The following SND1 variants were observed in gnomAD, a reference collection of about 807,000 sequenced individuals.
SND1 encodes the protein staphylococcal nuclease and tudor domain containing 1, also known as staphylococcal nuclease domain-containing protein 1.
In SND1, 38 loss-of-function variants were observed where a neutral mutation model predicts 121.7. That is an observed-to-expected ratio of 0.31 (90% CI 0.24 to 0.41). The LOEUF is 0.41. Ranked by LOEUF, SND1 falls within the 10% of genes least tolerant of loss-of-function variation. The pLI is 1.00. For synonymous variants in SND1, 401 were observed against 447.4 expected (o/e 0.90, Z 1.31); for missense variants, 868 against 1,184.6 (o/e 0.73, Z 3.92).
intron 14 of SND1, among the ~76,000 whole-genome samples, chr7:127,924,340 T>C (rs1040744561): frequency 6.6e-6 from 1 of 152,238 alleles, no homozygotes; most frequent in African/African-American, 2.4e-5. Flanking sequence ...ATTCGTGATC[T>C]TCATTATTAA....
intron 16 of SND1, among the ~76,000 whole-genome samples, chr7:128,063,081 C>T (rs1398262225): frequency 1.3e-5 from 2 of 152,204 alleles, no homozygotes; most frequent in Admixed American, 6.5e-5. Flanking sequence ...TCTGTGGCCT[C>T]ACCCCACCTC....
At chr7:128,076,226 G>T (rs1293726007) in intron 17 of SND1, among the ~76,000 whole-genome samples, 2 of 152,170 alleles carry the variant, frequency 1.3e-5, no homozygotes, top group African/African-American at 4.8e-5. Context: ...TCCCTGCCAG[G>T]GGCTGTGCTG....
intron 14 of SND1, among the ~76,000 whole-genome samples, chr7:127,909,417 G>A (rs1800409670): frequency 6.6e-6 from 1 of 150,788 alleles, no homozygotes; most frequent in Non-Finnish European, 1.5e-5. Flanking sequence ...CTTTCTCCGT[G>A]ACTGATTTTG....
intron 2 of SND1, among the ~76,000 whole-genome samples, chr7:127,687,638 A>T (rs1042784501): frequency 6.6e-6 from 1 of 152,136 alleles, no homozygotes; most frequent in Non-Finnish European, 1.5e-5. Context: ...TGTTGCTGCA[A>T]AGGACGTGAT....
At position 128,069,947 on chromosome 7, in the gene SND1, G is replaced by A. The variant is rs138305440; in HGVS notation, c.1780-4555G>A. Among the ~76,000 whole-genome samples, 462 of 152,308 alleles carry A rather than the reference G, an allele frequency of 3.0e-3. 5 individuals carry two copies. The highest frequency in any genetic ancestry group is 0.011 in the African/African-American group (444 of 41,556). On this transcript the variant is annotated intron_variant, in intron 16 of 23. Transcript: ENST00000354725. The stretch of plus-strand genomic sequence containing the variant: ...TCATGGTAGGCCAGGGATCAGGGAA[G>A]CCTTCCCGGAGAAAGTGGCATTGAA...
At chr7:127,844,031 C>T (rs1799012411) in intron 11 of SND1, among the ~76,000 whole-genome samples, 1 of 152,122 alleles carries the variant, frequency 6.6e-6, no homozygotes, top group Non-Finnish European at 1.5e-5. Flanking sequence ...TGTATGTATT[C>T]TTTAGTAAGC....
chr7:127,919,866 T>A (rs1229710113), intron 14 of SND1, among the ~76,000 whole-genome samples: 2 of 152,210 alleles, frequency 1.3e-5, no homozygotes, highest in Non-Finnish European at 2.9e-5. Flanking sequence ...ATAAATTGGA[T>A]GTTTACGATT....
At chr7:127,746,365 C>T (rs996435115) in intron 10 of SND1, among the ~76,000 whole-genome samples, 4 of 152,102 alleles carry the variant, frequency 2.6e-5, no homozygotes, top group Non-Finnish European at 4.4e-5. Context: ...CTTTCTTGCC[C>T]GCTACACCAG....
intron 16 of SND1, among the ~76,000 whole-genome samples, chr7:128,058,907 G>A (rs1424044104): frequency 6.6e-6 from 1 of 151,996 alleles, no homozygotes; most frequent in African/African-American, 2.4e-5. Flanking sequence ...GGTGGGCTCT[G>A]ACTGTTCCCC....
At chr7:127,652,595 C>A in intron 1 of SND1, 144 bp downstream of exon 1, 4 of 698,986 alleles carry the variant, frequency 5.7e-6, no homozygotes, top group Non-Finnish European at 4.7e-6. Flanking sequence ...TCTCCGAATC[C>A]TCTCACTAGA....
intron 17 of SND1, among the ~76,000 whole-genome samples, chr7:128,077,636 C>A (rs946320927): frequency 2.6e-4 from 39 of 152,238 alleles, no homozygotes; most frequent in African/African-American, 9.4e-4. Flanking sequence ...ACACTTCCCC[C>A]ACCTGACCGC....
Position 127,694,933 on chromosome 7 carries a change from A to G in SND1, c.334A>G (p.Ile112Val). The G allele has an allele frequency of 6.2e-7, 1 of 1,613,352 alleles. No individual in the cohort carries two copies. The highest frequency in any genetic ancestry group is 8.5e-7 in the Non-Finnish European group (1 of 1,179,508). Reference sequence around the variant, plus strand: ...TCCCCAGGGGCGAGAGTATGGCATGATCTACCTTGGAAAAGGTGAGCTGCA... The same window carrying G: ...TCCCCAGGGGCGAGAGTATGGCATGGTCTACCTTGGAAAAGGTGAGCTGCA... ...KTPQGREYGM[I>V]YLGKDTNGEN... Residue 112 changes from isoleucine (I) to valine (V), a missense_variant, in exon 3 of 24, where the codon ATC (isoleucine) becomes GTC (valine). Coordinates refer to ENST00000354725, the MANE Select transcript of SND1 (RefSeq NM_014390.4).
At chr7:127,947,819 C>T (rs1212106415) in intron 15 of SND1, among the ~76,000 whole-genome samples, 1 of 152,044 alleles carries the variant, frequency 6.6e-6, no homozygotes, top group African/African-American at 2.4e-5. Flanking sequence ...TCTCTTTTGC[C>T]CTCACTCAGC....
intron 1 of SND1, among the ~76,000 whole-genome samples, chr7:127,679,492 A>G: frequency 6.6e-6 from 1 of 152,168 alleles, no homozygotes; most frequent in Middle Eastern, 3.2e-3. Flanking sequence ...AAAGTATATA[A>G]TTCAGTGGCT....
chr7:128,084,003 CCCT>C (rs960969062), intron 18 of SND1, among the ~76,000 whole-genome samples: 1 of 152,172 alleles, frequency 6.6e-6, no homozygotes, highest in Non-Finnish European at 1.5e-5. Context: ...GGCAGGGAAT[CCCT>C]CCTCCTGTGG....
intron 1 of SND1, among the ~76,000 whole-genome samples, chr7:127,655,542 G>A (rs1795195270): frequency 6.6e-6 from 1 of 152,180 alleles, no homozygotes; most frequent in Admixed American, 6.5e-5. Flanking sequence ...TTTCTGAGTT[G>A]GGATGAGACT....
chr7:128,011,510 T>C (rs759028452), intron 16 of SND1, among the ~76,000 whole-genome samples: 1 of 152,202 alleles, frequency 6.6e-6, no homozygotes, highest in Non-Finnish European at 1.5e-5. Flanking sequence ...TTGTGTAACA[T>C]GTGATCAGGG....
chr7:127,851,925 G>A (rs997549608), intron 12 of SND1, among the ~76,000 whole-genome samples: 2 of 152,178 alleles, frequency 1.3e-5, no homozygotes, highest in African/African-American at 4.8e-5. Context: ...AGGAGGTGGA[G>A]GTGGGTGGAT....
At chr7:127,736,712 G>T (rs1204973026) in intron 10 of SND1, among the ~76,000 whole-genome samples, 1 of 152,154 alleles carries the variant, frequency 6.6e-6, no homozygotes, top group African/African-American at 2.4e-5. Context: ...TTATTTAGAA[G>T]CAGGCTGTGA....
Sources: allele counts gnomAD v4.1 joint callset (sites outside exome capture counted in the v4.1 genomes callset), GRCh38; gene constraint gnomAD v4.1.1; transcripts MANE v1.5; gene names NCBI Gene and HGNC (gene_info 2026-07-23, HGNC 2026-07-21).